ITPR2: variants seen among roughly 807,000 people sequenced by gnomAD.
ITPR2 encodes inositol 1,4,5-trisphosphate receptor type 2, also known as inositol 1,4,5-trisphosphate-gated calcium channel ITPR2.
A neutral mutation model predicts 317.1 loss-of-function variants in ITPR2; 207 were observed. That is an observed-to-expected ratio of 0.65 (90% CI 0.58 to 0.73). The LOEUF (loss-of-function observed/expected upper bound fraction) is 0.73, where lower values mean the gene tolerates loss of function less well. Among genes scored for constraint, ITPR2 ranks in the 30% least tolerant of loss-of-function variants. ITPR2 has a pLI of 0.00. For missense variants in ITPR2, 2,613 were observed against 3,284.0 expected, an observed-to-expected ratio of 0.80 and a Z score of 4.99; for synonymous variants, 1,156 against 1,149.1, an observed-to-expected ratio of 1.01 and a Z score of -0.12.
chr12:26,567,704 T>C (rs1945013586), intron 34 of ITPR2, among the ~76,000 whole-genome samples: 1 of 151,748 alleles, frequency 6.6e-6, no homozygotes, highest in African/African-American at 2.4e-5. Context: ...TTCGCTGCAC[T>C]GTCCAAATAG....
chr12:26,746,822 ATGTGTGTGTG>A (rs34449902), intron 2 of ITPR2, among the ~76,000 whole-genome samples: 6 of 147,658 alleles, frequency 4.1e-5, no homozygotes, highest in Non-Finnish European at 7.5e-5. Context: ...GGGTGCATGC[ATGTGTGTGTG>A]TGTGTGTGTG....
chr12:26,421,271 G>GT (rs1442128252), intron 49 of ITPR2: 1 of 152,116 alleles, frequency 6.6e-6, no homozygotes, highest in African/African-American at 2.4e-5. Flanking sequence ...TCAGGTTTTG[G>GT]TTTTTGTTTC....
chr12:26,383,466 TTTTGTTTGTTTGTTTG>T (rs144997730), intron 55 of ITPR2, among the ~76,000 whole-genome samples: 29 of 151,462 alleles, frequency 1.9e-4, no homozygotes, highest in African/African-American at 7.0e-4. Context: ...TTCTATGTTT[TTTTGTTTGTTTGTTTG>T]TTTGTTTGTT....
At chr12:26,636,962 G>A (rs1946878549) in intron 21 of ITPR2, among the ~76,000 whole-genome samples, 1 of 152,132 alleles carries the variant, frequency 6.6e-6, no homozygotes, top group African/African-American at 2.4e-5. Flanking sequence ...TTTTATACTA[G>A]AATTCAGAAA....
At position 26,676,165 on chromosome 12, in the gene ITPR2, TAAA is replaced by T. The variant is rs1264598614; in HGVS notation, c.1409+5706_1409+5708del. On this transcript the variant is annotated intron_variant, in intron 13 of 56. Transcript: ENST00000381340. ...AGAGCAAGACTCTATCTCAAAAAAA[TAAA>T]AAAGAAATATGTTGAGAGTAAATTC... 3.0e-5 allele frequency among the ~76,000 whole-genome samples: 4 copies of T among 134,468 alleles called. No individual in the cohort carries two copies. The South Asian group carries it at 9.6e-4, about 32-fold the overall frequency. The allele number at this position is 134,468 out of a possible 152,430, so 88.2% of individuals were successfully genotyped here. A position where few individuals can be genotyped will look rare whatever the true frequency, so the allele number is the denominator to read the frequency against.
intron 3 of ITPR2, 37 bp from the exon 4 acceptor site, chr12:26,724,779 T>G (rs758612883): frequency 6.9e-7 from 1 of 1,455,216 alleles, no homozygotes; most frequent in East Asian, 2.3e-5. Context: ...TGTAGAAATA[T>G]AGTAAACAGA....
rs7310278 is a variant in ITPR2, at chr12:26,585,700, C to A, written c.4381-5545G>T. On this transcript the variant is annotated intron_variant, in intron 32 of 56. Transcript: ENST00000381340. ...GATTACAGGTCTGAGCCACTACACC[C>A]GACCCTTTATAGCATTTCTAATTAT... Among the ~76,000 whole-genome samples, 5 of 152,120 alleles carry A rather than the reference C, an allele frequency of 3.3e-5. No individual in the cohort carries two copies. The East Asian group carries it at 9.7e-4, about 29-fold the overall frequency.
At chr12:26,396,491 C>G (rs1443179091) in intron 54 of ITPR2, among the ~76,000 whole-genome samples, 6 of 152,156 alleles carry the variant, frequency 3.9e-5, no homozygotes, top group Non-Finnish European at 5.9e-5. Context: ...ACAGGCCACC[C>G]CTTCCTGCTT....
chr12:26,553,968 C>T (rs1027164279), intron 36 of ITPR2, among the ~76,000 whole-genome samples: 1 of 152,176 alleles, frequency 6.6e-6, no homozygotes, highest in Admixed American at 6.5e-5. Flanking sequence ...AAAATCCCTT[C>T]TAGAACTACT....
At chr12:26,817,785 T>A (rs972988737) in intron 1 of ITPR2, among the ~76,000 whole-genome samples, 9 of 152,212 alleles carry the variant, frequency 5.9e-5, no homozygotes, top group African/African-American at 2.2e-4. Flanking sequence ...TTATCCCTAG[T>A]GACTGACCTC....
intron 34 of ITPR2, among the ~76,000 whole-genome samples, chr12:26,570,992 C>G (rs17475589): frequency 0.13 from 19,832 of 152,082 alleles, 1,860 homozygotes; most frequent in Non-Finnish European, 0.2. Flanking sequence ...GATGTTTATA[C>G]CTTACATTCC....
At chr12:26,494,098 A>C (rs531671648) in intron 39 of ITPR2, 55 bp downstream of exon 39, 1 of 1,371,746 alleles carries the variant, frequency 7.3e-7, no homozygotes, top group Admixed American at 2.1e-5. Flanking sequence ...TTCTGTGACA[A>C]GTAAACAAGA....
chr12:26,429,306 AAG>A (rs1941146380), intron 48 of ITPR2, among the ~76,000 whole-genome samples: 2 of 152,210 alleles, frequency 1.3e-5, no homozygotes, highest in South Asian at 4.1e-4. Context: ...ACAATGATGA[AAG>A]GAGCTTGGGA....
chr12:26,736,579 T>C (rs962106222), intron 2 of ITPR2, among the ~76,000 whole-genome samples: 2 of 152,202 alleles, frequency 1.3e-5, no homozygotes, highest in Non-Finnish European at 2.9e-5. Flanking sequence ...GAATGCCCTA[T>C]AGCCCTGTGT....
intron 8 of ITPR2, among the ~76,000 whole-genome samples, chr12:26,713,177 C>A (rs1376534853): frequency 6.6e-6 from 1 of 152,218 alleles, no homozygotes; most frequent in Non-Finnish European, 1.5e-5. Context: ...AGAGGAGGAG[C>A]AGTCATTGCA....
At chr12:26,552,551 T>G (rs1428036498) in intron 36 of ITPR2, among the ~76,000 whole-genome samples, 1 of 152,158 alleles carries the variant, frequency 6.6e-6, no homozygotes, top group Admixed American at 6.5e-5. Context: ...AAAGTAACAC[T>G]GATGTCCTTT....
chr12:26,737,157 G>C (rs1358820988), intron 2 of ITPR2, among the ~76,000 whole-genome samples: 1 of 152,152 alleles, frequency 6.6e-6, no homozygotes, highest in Non-Finnish European at 1.5e-5. Flanking sequence ...TACTCATCAT[G>C]TTGAGGCAGA....
chr12:26,611,538 G>C (rs1946266492), intron 26 of ITPR2, among the ~76,000 whole-genome samples: 1 of 152,044 alleles, frequency 6.6e-6, no homozygotes, highest in Non-Finnish European at 1.5e-5. Flanking sequence ...TACTCCAGCT[G>C]GGTGACAGAG....
intron 26 of ITPR2, among the ~76,000 whole-genome samples, chr12:26,608,472 G>A (rs982784132): frequency 4.0e-5 from 6 of 151,016 alleles, no homozygotes; most frequent in Non-Finnish European, 5.9e-5. Context: ...AGTGAGGTGC[G>A]CCTCTGCCTG....
Sources: gnomAD v4.1 joint callset for allele counts (sites outside exome capture counted in the v4.1 genomes callset) on GRCh38, gnomAD v4.1.1 for gene constraint, MANE v1.5 for transcripts, NCBI Gene and HGNC (gene_info 2026-07-23, HGNC 2026-07-21) for gene names.